Variants in LUC7L2 observed in about 807,000 individuals in gnomAD.
LUC7L2 encodes the protein putative RNA-binding protein Luc7-like 2.
A neutral mutation model predicts 52.8 loss-of-function variants in LUC7L2; 25 were observed. The observed-to-expected ratio is 0.47, with a 90% CI of 0.34 to 0.66. LUC7L2 has a LOEUF of 0.66. Among genes scored for constraint, LUC7L2 ranks in the 30% least tolerant of loss-of-function variants. The pLI, the probability that LUC7L2 is intolerant of heterozygous loss-of-function variation, is 0.01. For synonymous variants in LUC7L2, 144 were observed against 160.9 expected (o/e 0.89, Z 0.80); for missense variants, 328 against 497.8 (o/e 0.66, Z 3.25).
intron 1 of LUC7L2, among the ~76,000 whole-genome samples, chr7:139,367,215 ACCTG>A (rs1240550908): frequency 6.6e-6 from 1 of 151,968 alleles, no homozygotes; most frequent in Non-Finnish European, 1.5e-5. Context: ...CAAGTGATCT[ACCTG>A]CCTTGGCCTC....
intron 2 of LUC7L2, among the ~76,000 whole-genome samples, chr7:139,397,227 C>T (rs919927114): frequency 1.2e-4 from 19 of 152,166 alleles, no homozygotes; most frequent in Admixed American, 1.2e-3. Context: ...CAACCTGGAA[C>T]ATTACTTTTT....
chr7:139,360,639 G>T (rs537610243), intron 1 of LUC7L2, among the ~76,000 whole-genome samples: 8 of 152,164 alleles, frequency 5.3e-5, no homozygotes, highest in Admixed American at 2.6e-4. Context: ...TGGGGGGCCC[G>T]TTTTGTCGCT....
At chr7:139,375,174 C>G (rs1800644832) in intron 1 of LUC7L2, 1 of 982,522 alleles carries the variant, frequency 1.0e-6, no homozygotes, top group Non-Finnish European at 1.2e-6. Context: ...TAACTAACAT[C>G]TATATTTTGT....
chr7:139,345,929 T>C (rs1799250902), intron 1 of LUC7L2: 1 of 408,254 alleles, frequency 2.4e-6, no homozygotes, highest in Admixed American at 4.4e-5. Context: ...TTTTTTTATA[T>C]TTTATTTTAA....
intron 1 of LUC7L2, among the ~76,000 whole-genome samples, chr7:139,348,643 C>T (rs1274527667): frequency 3.3e-5 from 5 of 151,770 alleles, no homozygotes; most frequent in African/African-American, 9.7e-5. Flanking sequence ...CGCTTGAACC[C>T]GGGAGGTGGA....
intron 9 of LUC7L2, among the ~76,000 whole-genome samples, chr7:139,420,082 C>T (rs1795819713): frequency 6.6e-6 from 1 of 152,168 alleles, no homozygotes. Flanking sequence ...TGACCTCTTC[C>T]TGGCAATAGT....
At position 139,418,856 on chromosome 7, in the gene LUC7L2, G is replaced by A. The variant is rs1795747778; in HGVS notation, c.1001+1127G>A. Reference sequence around the variant, plus strand: ...TGTGAGGCTGGGTGCCATGGCTCACGCTTATAATCCCAGCACTTTGGGAGA... The same window carrying A: ...TGTGAGGCTGGGTGCCATGGCTCACACTTATAATCCCAGCACTTTGGGAGA... On this transcript the variant is annotated intron_variant, in intron 9 of 9. Coordinates refer to ENST00000354926, the MANE Select transcript of LUC7L2 (RefSeq NM_016019.5). Among the ~76,000 whole-genome samples the A allele has an allele frequency of 5.9e-5, 9 of 152,058 alleles. No individual in the cohort carries two copies. The South Asian group carries it at 1.0e-3, about 18-fold the overall frequency.
In LUC7L2 at chr7:139,360,241, TCCGC is replaced by T; in HGVS notation, c.-16_-13del. On this transcript the variant is annotated 5_prime_UTR_variant, in exon 1 of 10. Coordinates refer to ENST00000354926, the MANE Select transcript of LUC7L2 (RefSeq NM_016019.5). Reference sequence around the variant, plus strand: ...CCGGTCTGCGCCCCACCCCCGCCCGTCCGCCCGCTACGCCGCCGCCATGTCGGCG... The same window carrying T: ...CCGGTCTGCGCCCCACCCCCGCCCGTCCGCTACGCCGCCGCCATGTCGGCG... 6.5e-7 allele frequency: 1 copy of T among 1,539,134 alleles called. No homozygotes were observed. Among genetic ancestry groups the T allele is most frequent in the Non-Finnish European group, 8.8e-7 (1 of 1,140,718 alleles).
intron 8 of LUC7L2, among the ~76,000 whole-genome samples, chr7:139,415,573 CTTTTTT>C (rs376954972): frequency 6.0e-5 from 7 of 116,164 alleles, no homozygotes; most frequent in East Asian, 2.6e-4. Flanking sequence ...GGAAATAACG[CTTTTTT>C]TTTTTTTTTT....
chr7:139,406,136 C>T (rs972429175), intron 5 of LUC7L2, among the ~76,000 whole-genome samples: 4 of 152,198 alleles, frequency 2.6e-5, no homozygotes, highest in African/African-American at 9.7e-5. Flanking sequence ...ACCGCAACCT[C>T]TGCCTCCCGG....
intron 1 of LUC7L2, chr7:139,375,287 G>A: frequency 1.0e-6 from 1 of 985,252 alleles, no homozygotes; most frequent in Non-Finnish European, 1.2e-6. Flanking sequence ...TAGGAGGTAG[G>A]TGTATTGTGT....
At chr7:139,394,941 G>T (rs1420329928) in intron 2 of LUC7L2, among the ~76,000 whole-genome samples, 1 of 152,180 alleles carries the variant, frequency 6.6e-6, no homozygotes, top group Non-Finnish European at 1.5e-5. Flanking sequence ...TACCTGGGGG[G>T]CTTTTACAAT....
At chr7:139,345,179 T>A (rs1314378305) in intron 1 of LUC7L2, among the ~76,000 whole-genome samples, 1 of 152,138 alleles carries the variant, frequency 6.6e-6, no homozygotes, top group Non-Finnish European at 1.5e-5. Flanking sequence ...ATATCTACCA[T>A]TAACCAACCT....
intron 2 of LUC7L2, among the ~76,000 whole-genome samples, chr7:139,382,853 C>T (rs1801106810): frequency 6.6e-6 from 1 of 152,112 alleles, no homozygotes; most frequent in Admixed American, 6.5e-5. Context: ...TTATTGCTTC[C>T]CTGACTCTGT....
intron 1 of LUC7L2, among the ~76,000 whole-genome samples, chr7:139,348,383 GAAAT>G (rs1311388596): frequency 6.6e-6 from 1 of 151,524 alleles, no homozygotes; most frequent in Admixed American, 6.6e-5. Flanking sequence ...CTAATGGTAA[GAAAT>G]ATTACAGTTT....
At chr7:139,377,963 A>G (rs1171990164) in intron 2 of LUC7L2, among the ~76,000 whole-genome samples, 1 of 150,498 alleles carries the variant, frequency 6.6e-6, no homozygotes, top group Non-Finnish European at 1.5e-5. Flanking sequence ...AGCTACAGGC[A>G]CACACCACCA....
chr7:139,410,069 A>G (rs879777696), intron 7 of LUC7L2, among the ~76,000 whole-genome samples: 17 of 152,060 alleles, frequency 1.1e-4, no homozygotes, highest in Non-Finnish European at 1.6e-4. Flanking sequence ...TAGCTGGGCG[A>G]GGTGGCGGGC....
At chr7:139,407,882 CA>C (rs1182584648) in intron 6 of LUC7L2, among the ~76,000 whole-genome samples, 5 of 152,078 alleles carry the variant, frequency 3.3e-5, no homozygotes, top group African/African-American at 1.2e-4. Flanking sequence ...GTGGGGAAGA[CA>C]ACACAGTTTT....
At chr7:139,350,708 G>A (rs371470011) in intron 1 of LUC7L2, among the ~76,000 whole-genome samples, 4 of 149,168 alleles carry the variant, frequency 2.7e-5, no homozygotes, top group Non-Finnish European at 3.0e-5. Flanking sequence ...ATGGAGTCTC[G>A]CCCAGTTGCC....
Sources: allele counts gnomAD v4.1 joint callset (sites outside exome capture counted in the v4.1 genomes callset), GRCh38; gene constraint gnomAD v4.1.1; transcripts MANE v1.5; gene names NCBI Gene and HGNC (gene_info 2026-07-23, HGNC 2026-07-21).